CRCP: variants seen among roughly 807,000 people sequenced by gnomAD.
The protein encoded by CRCP is CGRP receptor component, also known as DNA-directed RNA polymerase III subunit RPC9.
A neutral mutation model predicts 18.5 loss-of-function variants in CRCP; 18 were observed. The ratio of observed to expected loss-of-function variants is 0.97; its 90% confidence interval spans 0.67 to 1.44. The LOEUF is 1.44. Ranked by LOEUF, CRCP falls within the 40% of genes most tolerant of loss-of-function variation. CRCP has a pLI of 0.00. For missense variants in CRCP, 130 were observed against 176.4 expected, an observed-to-expected ratio of 0.74 and a Z score of 1.49; for synonymous variants, 53 against 62.9, an observed-to-expected ratio of 0.84 and a Z score of 0.75.
chr7:66,135,879 C>T (rs945035089), intron 4 of CRCP, among the ~76,000 whole-genome samples: 1 of 152,010 alleles, frequency 6.6e-6, no homozygotes, highest in African/African-American at 2.4e-5. Context: ...CAAGATCGCG[C>T]CCTTGCGCTC....
At chr7:66,124,516 C>T (rs867535143) in intron 1 of CRCP, among the ~76,000 whole-genome samples, 1 of 144,346 alleles carries the variant, frequency 6.9e-6, no homozygotes, top group Non-Finnish European at 1.5e-5. Flanking sequence ...CCCTCCCTTC[C>T]TTCCTTCCTC....
chr7:66,117,657 T>C (rs572822814), intron 1 of CRCP, among the ~76,000 whole-genome samples: 3 of 152,342 alleles, frequency 2.0e-5, no homozygotes, highest in African/African-American at 7.2e-5. Context: ...GCCTCCATTC[T>C]GTTCTCCACA....
chr7:66,144,171 GTCT>G (rs142070874), intron 4 of CRCP, among the ~76,000 whole-genome samples: 97,603 of 151,778 alleles, frequency 0.64, 31,816 homozygotes, highest in African/African-American at 0.74. Context: ...AAGTTCTGTA[GTCT>G]TTCAGAGTCC....
intron 3 of CRCP, among the ~76,000 whole-genome samples, chr7:66,131,910 C>G (rs1659943302): frequency 6.6e-6 from 1 of 151,894 alleles, no homozygotes; most frequent in Admixed American, 6.6e-5. Context: ...TACAGGCATG[C>G]ACCACCTTGC....
chr7:66,138,578 G>A (rs554341571), intron 4 of CRCP, among the ~76,000 whole-genome samples: 11 of 140,744 alleles, frequency 7.8e-5, no homozygotes, highest in African/African-American at 2.9e-4. Context: ...GAGGTCAGGA[G>A]ATCGAGACCA....
intron 4 of CRCP, among the ~76,000 whole-genome samples, chr7:66,138,936 C>A (rs764500113): frequency 1.3e-5 from 2 of 151,504 alleles, no homozygotes; most frequent in Non-Finnish European, 2.9e-5. Context: ...ATGTTTCTTA[C>A]TACATTTGTG....
intron 1 of CRCP, among the ~76,000 whole-genome samples, chr7:66,119,363 A>G (rs910876805): frequency 2.0e-5 from 3 of 152,142 alleles, no homozygotes; most frequent in Non-Finnish European, 4.4e-5. Context: ...AATATCCTTT[A>G]AATAAACCAG....
intron 4 of CRCP, 88 bp downstream of exon 4, chr7:66,134,462 T>C: frequency 1.1e-6 from 1 of 929,162 alleles, no homozygotes; most frequent in Non-Finnish European, 1.7e-6. Context: ...GATATTCGGC[T>C]GGGTTTGGAT....
At chr7:66,151,440 G>A (rs749769894) in intron 5 of CRCP, among the ~76,000 whole-genome samples, 88 of 152,020 alleles carry the variant, frequency 5.8e-4, no homozygotes, top group Admixed American at 2.3e-3. Context: ...GTGGTGGCTC[G>A]TGCCTGTAGT....
At chr7:66,123,759 A>G (rs374989163) in intron 1 of CRCP, among the ~76,000 whole-genome samples, 5,413 of 151,136 alleles carry the variant, frequency 0.036, 164 homozygotes, top group Middle Eastern at 0.075. Flanking sequence ...CAAAAAAAAA[A>G]AAAGGTGGGG....
chr7:66,138,188 T>C (rs1191641444), intron 4 of CRCP, among the ~76,000 whole-genome samples: 4 of 152,162 alleles, frequency 2.6e-5, no homozygotes, highest in African/African-American at 9.7e-5. Context: ...ATCTTTTCCT[T>C]CAGAACTTTT....
At chr7:66,128,466 A>G (rs1042295789) in intron 2 of CRCP, among the ~76,000 whole-genome samples, 2 of 152,166 alleles carry the variant, frequency 1.3e-5, no homozygotes, top group African/African-American at 4.8e-5. Flanking sequence ...TACATTGCAA[A>G]TAGTCTTATG....
chr7:66,143,033 T>A (rs1788185039), intron 4 of CRCP, among the ~76,000 whole-genome samples: 1 of 152,104 alleles, frequency 6.6e-6, no homozygotes, highest in Non-Finnish European at 1.5e-5. Flanking sequence ...AAATAATGTA[T>A]TTTTTTTCTA....
chr7:66,116,908 G>T (rs775773339), intron 1 of CRCP, among the ~76,000 whole-genome samples: 1 of 152,026 alleles, frequency 6.6e-6, no homozygotes, highest in Non-Finnish European at 1.5e-5. Context: ...ATCCCCTGAG[G>T]TCAGGAGTTT....
intron 4 of CRCP, among the ~76,000 whole-genome samples, chr7:66,136,536 G>T (rs2115972539): frequency 6.6e-6 from 1 of 150,856 alleles, no homozygotes; most frequent in South Asian, 2.1e-4. Flanking sequence ...GGCCAATTTT[G>T]TATTTTTAGT....
At chr7:66,146,626 G>A (rs316321) in intron 5 of CRCP, among the ~76,000 whole-genome samples, 15,847 of 152,152 alleles carry the variant, frequency 0.1, 1,002 homozygotes, top group South Asian at 0.2. Flanking sequence ...AAAGGCCACA[G>A]GGTATTTAAT....
intron 4 of CRCP, among the ~76,000 whole-genome samples, chr7:66,141,495 G>A (rs1788137481): frequency 6.6e-6 from 1 of 152,136 alleles, no homozygotes; most frequent in South Asian, 2.1e-4. Flanking sequence ...CCTGGGTGAG[G>A]ACGTCAGTAG....
intron 1 of CRCP, among the ~76,000 whole-genome samples, chr7:66,116,731 C>A (rs895956306): frequency 2.0e-5 from 3 of 152,054 alleles, no homozygotes; most frequent in Admixed American, 2.0e-4. Context: ...GCTTCCCATC[C>A]CAACAAAACT....
chr7:66,142,088 C>T (rs1055704131), intron 4 of CRCP, among the ~76,000 whole-genome samples: 1 of 152,170 alleles, frequency 6.6e-6, no homozygotes, highest in African/African-American at 2.4e-5. Context: ...CCTCTTCTCC[C>T]TCTTCACGTG....
Sources: gnomAD v4.1 joint callset for allele counts (sites outside exome capture counted in the v4.1 genomes callset) on GRCh38, gnomAD v4.1.1 for gene constraint, MANE v1.5 for transcripts, NCBI Gene and HGNC (gene_info 2026-07-23, HGNC 2026-07-21) for gene names.